Variants in AIM2 observed in about 807,000 individuals in gnomAD.
AIM2 encodes interferon-inducible protein AIM2.
Under a neutral mutation model 27.7 loss-of-function variants are expected in AIM2, and 30 were observed. The observed-to-expected ratio is 1.08, with a 90% CI of 0.81 to 1.47. The LOEUF (loss-of-function observed/expected upper bound fraction) is 1.47, where lower values mean the gene tolerates loss of function less well. AIM2 is among the 40% of genes most tolerant of loss of function. The pLI is 0.00. For missense variants in AIM2, 358 were observed against 411.3 expected, an observed-to-expected ratio of 0.87 and a Z score of 1.12; for synonymous variants, 141 against 145.3, an observed-to-expected ratio of 0.97 and a Z score of 0.21.
Position 159,069,185 on chromosome 1 carries a change from A to G in AIM2, c.263-484T>C, listed in dbSNP as rs1656246294. Among the ~76,000 whole-genome samples the G allele has an allele frequency of 2.6e-5, 4 of 151,986 alleles. No individual in the cohort carries two copies. In the South Asian group the frequency reaches 8.3e-4, roughly 32 times the overall value. On this transcript the variant is annotated intron_variant, in intron 2 of 5. Transcript: ENST00000368130. Reference sequence around the variant, plus strand: ...CAAGAAACAAAAACTATGAAGTAGTAGTCGTCTTAAATTGGTATAACACTT... The same window carrying G: ...CAAGAAACAAAAACTATGAAGTAGTGGTCGTCTTAAATTGGTATAACACTT...
Position 159,068,573 on chromosome 1 carries a change from C to G in AIM2, c.391G>C (p.Val131Leu). ...CTCCACTCTCCTTATCCTACCTTAA[C>G]ATGAGGAGAGACTTTTGGTGCAGCA... is the stretch of plus-strand genomic sequence containing the variant. The part of the protein sequence containing the change: ...QRAAPKVSPH[V>L]KPEQKQMVAQ... Residue 131 changes from valine to leucine, a missense_variant, in exon 3 of 6, where the codon GTT becomes CTT. By Grantham distance (32) the Val-to-Leu change is conservative. Coordinates refer to ENST00000368130, the MANE Select transcript of AIM2 (RefSeq NM_004833.3). 1.9e-6 allele frequency: 3 copies of G among 1,612,086 alleles called. No homozygotes were observed. The South Asian group carries it at 3.3e-5, about 18-fold the overall frequency.
chr1:159,120,644 G>T lies in AIM2; in HGVS notation c.-16+19787C>A, dbSNP rs144859744. ...GTGTAAAACTGCCATTGAGGGGAAA[G>T]CACTCAATTGCAAGGAAAATAAGAA... On this transcript the variant is annotated intron_variant, in intron 1 of 2. Coordinates refer to the AIM2 transcript ENST00000368129. Among the ~76,000 whole-genome samples, 392 of 152,264 alleles carry T rather than the reference G, an allele frequency of 2.6e-3. 2 individuals are homozygous for T. Among genetic ancestry groups the T allele is most frequent in the African/African-American group, 8.9e-3 (369 of 41,556 alleles).
chr1:159,130,342 A>C (rs1647836177), intron 1 of AIM2, among the ~76,000 whole-genome samples: 1 of 152,124 alleles, frequency 6.6e-6, no homozygotes, highest in South Asian at 2.1e-4. Context: ...TCTGACCTAG[A>C]TTTCTCTTCA....
At chr1:159,071,658 C>T (rs1557894282) in intron 2 of AIM2, among the ~76,000 whole-genome samples, 3 of 152,270 alleles carry the variant, frequency 2.0e-5, no homozygotes, top group African/African-American at 4.8e-5. Context: ...TACAGATGCC[C>T]GCCACCATGC....
chr1:159,069,441 ATATG>A (rs1656256732), intron 2 of AIM2, among the ~76,000 whole-genome samples: 2 of 151,960 alleles, frequency 1.3e-5, no homozygotes, highest in African/African-American at 4.8e-5. Context: ...CTCTCTATAT[ATATG>A]TATATCAGTT....
At chr1:159,134,419 T>C (rs563150295) in intron 1 of AIM2, among the ~76,000 whole-genome samples, 1 of 152,352 alleles carries the variant, frequency 6.6e-6, no homozygotes, top group African/African-American at 2.4e-5. Flanking sequence ...CCATTGTTTT[T>C]AGGATAAGGA....
chr1:159,077,961 T>C (rs183728727), upstream of AIM2, among the ~76,000 whole-genome samples: 8 of 152,346 alleles, frequency 5.3e-5, no homozygotes, highest in East Asian at 1.5e-3. Context: ...TAGGACATGA[T>C]GATAAGTGTT....
chr1:159,080,993 T>A (rs1292297980), upstream of AIM2: 2 of 154,958 alleles, frequency 1.3e-5, no homozygotes, highest in Admixed American at 6.5e-5. Context: ...ACTATTAGGG[T>A]ACAGGGACCT....
chr1:159,085,065 C>T (rs188922203), intron 1 of AIM2, among the ~76,000 whole-genome samples: 1 of 152,166 alleles, frequency 6.6e-6, no homozygotes, highest in Admixed American at 6.5e-5. Flanking sequence ...AATGCCACTT[C>T]CGTATGTACT....
intron 1 of AIM2, among the ~76,000 whole-genome samples, chr1:159,103,226 C>G (rs145325521): frequency 3.3e-5 from 5 of 152,170 alleles, no homozygotes; most frequent in African/African-American, 1.2e-4. Flanking sequence ...TGTGAAGAAA[C>G]GCCTCCACCA....
chr1:159,102,323 G>A (rs999450957), intron 1 of AIM2, among the ~76,000 whole-genome samples: 1 of 152,220 alleles, frequency 6.6e-6, no homozygotes, highest in African/African-American at 2.4e-5. Context: ...AAATGTCTGC[G>A]TGTCTAGGCA....
intron 1 of AIM2, among the ~76,000 whole-genome samples, chr1:159,074,008 C>T (rs1019698661): frequency 6.6e-6 from 1 of 152,142 alleles, no homozygotes; most frequent in Non-Finnish European, 1.5e-5. Context: ...CATTGCACTC[C>T]AGCCTGGGCA....
At chr1:159,131,426 G>A (rs116725467) in intron 1 of AIM2, among the ~76,000 whole-genome samples, 1,609 of 152,222 alleles carry the variant, frequency 0.011, 39 homozygotes, top group African/African-American at 0.036. Flanking sequence ...TACAGGAGAA[G>A]TAATTAGAAT....
chr1:159,073,454 T>C lies in AIM2; in HGVS notation c.46A>G (p.Asn16Asp). 1 of 1,614,148 alleles carries C rather than the reference T, an allele frequency of 6.2e-7. No individual in the cohort carries two copies. Among genetic ancestry groups the C allele is most frequent in the Non-Finnish European group, 8.5e-7 (1 of 1,180,026 alleles). Residue 16 changes from asparagine to aspartate, a missense_variant, in exon 2 of 6, where the codon AAC (asparagine) becomes GAC (aspartate). Coordinates refer to ENST00000368130, the MANE Select transcript of AIM2 (RefSeq NM_004833.3). ...CTATCCAGTTCCTCATCAGTGATGT[T>C]ATCCAGGCCTGTTAGCAAGAGTATC... ...KEILLLTGLDNITDEELDRFK... is the reference protein window; with the variant it reads ...KEILLLTGLDDITDEELDRFK...
At chr1:159,058,869 A>G (rs1251806912), downstream of AIM2, among the ~76,000 whole-genome samples, 2 of 152,206 alleles carry the variant, frequency 1.3e-5, no homozygotes, top group East Asian at 3.9e-4. Context: ...CCACAAAGCC[A>G]GAGTCCTTGC....
intron 1 of AIM2, among the ~76,000 whole-genome samples, chr1:159,101,187 C>A (rs1372846072): frequency 1.3e-5 from 2 of 151,444 alleles, no homozygotes; most frequent in Non-Finnish European, 2.9e-5. Context: ...CTGTTGGGGG[C>A]AGGGGGCGGG....
downstream of AIM2, among the ~76,000 whole-genome samples, chr1:159,062,304 G>A (rs1187279845): frequency 6.6e-6 from 1 of 152,102 alleles, no homozygotes; most frequent in Non-Finnish European, 1.5e-5. Flanking sequence ...ATACTGCGCT[G>A]CTTCACATGT....
At chr1:159,130,001 C>T (rs1323618038) in intron 1 of AIM2, among the ~76,000 whole-genome samples, 1 of 152,248 alleles carries the variant, frequency 6.6e-6, no homozygotes, top group Non-Finnish European at 1.5e-5. Flanking sequence ...ACTTCTGTCA[C>T]TCCACTGAAG....
intron 1 of AIM2, among the ~76,000 whole-genome samples, chr1:159,115,902 A>G (rs1647328001): frequency 2.6e-5 from 4 of 152,100 alleles, no homozygotes; most frequent in Admixed American, 1.3e-4. Flanking sequence ...GGCAACCTAC[A>G]GAATGGGAGA....
Sources: allele counts gnomAD v4.1 joint callset (sites outside exome capture counted in the v4.1 genomes callset), GRCh38; gene constraint gnomAD v4.1.1; transcripts MANE v1.5; gene names NCBI Gene and HGNC (gene_info 2026-07-23, HGNC 2026-07-21).